Variants in CACNG4 observed in about 807,000 individuals in gnomAD.
CACNG4 encodes calcium voltage-gated channel auxiliary subunit gamma 4, also known as voltage-dependent calcium channel gamma-4 subunit.
In CACNG4, 8 loss-of-function variants were observed where a neutral mutation model predicts 22.9. That is an observed-to-expected ratio of 0.35 (90% CI 0.21 to 0.63). The LOEUF (loss-of-function observed/expected upper bound fraction) is 0.63, where lower values mean the gene tolerates loss of function less well. Ranked by LOEUF, CACNG4 falls within the 30% of genes least tolerant of loss-of-function variation. CACNG4 has a pLI of 0.72. For synonymous variants in CACNG4, 188 were observed against 191.9 expected, an observed-to-expected ratio of 0.98 and a Z score of 0.17; for missense variants, 357 against 455.4, an observed-to-expected ratio of 0.78 and a Z score of 1.97.
chr17:66,967,105 C>G (rs369817930), intron 1 of CACNG4, among the ~76,000 whole-genome samples: 1 of 152,184 alleles, frequency 6.6e-6, no homozygotes, highest in African/African-American at 2.4e-5. Context: ...AACTCCTCCC[C>G]GCCAGCAAAC....
At chr17:66,996,327 T>C (rs535885915) in intron 1 of CACNG4, among the ~76,000 whole-genome samples, 28 of 150,908 alleles carry the variant, frequency 1.9e-4, no homozygotes, top group African/African-American at 5.6e-4. Flanking sequence ...CCTGGCCTCC[T>C]AGATCCTGAG....
At chr17:66,998,862 C>T (rs1256553020) in intron 1 of CACNG4, among the ~76,000 whole-genome samples, 2 of 152,258 alleles carry the variant, frequency 1.3e-5, no homozygotes, top group Non-Finnish European at 2.9e-5. Context: ...GGGTGCCTAG[C>T]CTAGGACAGA....
At chr17:66,985,848 G>T (rs555197875) in intron 1 of CACNG4, among the ~76,000 whole-genome samples, 102 of 152,130 alleles carry the variant, frequency 6.7e-4, no homozygotes, top group Non-Finnish European at 3.7e-4. Context: ...GGAAGAGGAA[G>T]GTCCTTGGAG....
chr17:67,000,117 G>T (rs1477678045), intron 1 of CACNG4, among the ~76,000 whole-genome samples: 1 of 152,098 alleles, frequency 6.6e-6, no homozygotes, highest in Admixed American at 6.5e-5. Flanking sequence ...CCTTCCCCAG[G>T]CTCTCTCTGC....
In CACNG4 at chr17:67,031,568, A is replaced by G. The variant is rs1477386918; in HGVS notation, c.*564A>G. 2.2e-6 allele frequency: 1 copy of G among 456,964 alleles called. No homozygotes were observed. Among genetic ancestry groups the G allele is most frequent in the South Asian group, 1.5e-5 (1 of 64,562 alleles). 28.3% of individuals were successfully genotyped at this position (456,964 alleles called of 1,614,324 possible). On this transcript the variant is annotated 3_prime_UTR_variant, in exon 4 of 4. Coordinates refer to ENST00000262138, the MANE Select transcript of CACNG4 (RefSeq NM_014405.4). The surrounding 1 kb of genome is among the most constrained non-coding windows in gnomAD (Gnocchi z 4.0). ...CTCTCCAAGACTCTGGCAGTGGCCT[A>G]TGATCCTGAAGACAGCTCTGCAGCC...
chr17:67,018,092 G>A (rs2035511063), intron 1 of CACNG4, 97 bp from the exon 2 acceptor site: 3 of 909,210 alleles, frequency 3.3e-6, no homozygotes, highest in South Asian at 1.4e-5. Flanking sequence ...CCCAGGACCT[G>A]CACAGAGGCT....
At chr17:66,995,729 A>ACCCT (rs2035369958) in intron 1 of CACNG4, among the ~76,000 whole-genome samples, 1 of 152,024 alleles carries the variant, frequency 6.6e-6, no homozygotes, top group African/African-American at 2.4e-5. Context: ...GGGCACCTGT[A>ACCCT]ATCCTAGCTA....
chr17:67,026,953 T>A (rs1254974568), intron 3 of CACNG4, among the ~76,000 whole-genome samples: 6 of 151,588 alleles, frequency 4.0e-5, no homozygotes, highest in African/African-American at 9.7e-5. Flanking sequence ...AAGCAGTCAT[T>A]TTTCAAAAGG....
chr17:67,002,749 G>A (rs542313055), intron 1 of CACNG4, among the ~76,000 whole-genome samples: 1 of 152,298 alleles, frequency 6.6e-6, no homozygotes, highest in African/African-American at 2.4e-5. Context: ...GCTACCTTGG[G>A]CAAGTTACTT....
intron 1 of CACNG4, among the ~76,000 whole-genome samples, chr17:66,985,002 G>T (rs1598106656): frequency 6.6e-6 from 1 of 152,154 alleles, no homozygotes; most frequent in Non-Finnish European, 1.5e-5. Context: ...GGTGGCAGGG[G>T]ACTGACATGG....
intron 3 of CACNG4, among the ~76,000 whole-genome samples, chr17:67,026,676 GGT>G (rs558270163): frequency 2.0e-5 from 3 of 150,242 alleles, no homozygotes; most frequent in South Asian, 2.1e-4. Flanking sequence ...TGAGGACTGT[GGT>G]GTGTGTGTGT....
intron 1 of CACNG4, among the ~76,000 whole-genome samples, chr17:66,979,744 GCTT>G (rs2035260022): frequency 8.5e-6 from 1 of 117,516 alleles, no homozygotes; most frequent in Non-Finnish European, 1.7e-5. Context: ...TTCTTTTCAT[GCTT>G]TTTTTTTTTT....
chr17:67,023,025 G>T (rs1026069700), intron 2 of CACNG4, among the ~76,000 whole-genome samples: 1 of 152,166 alleles, frequency 6.6e-6, no homozygotes, highest in African/African-American at 2.4e-5. Context: ...GGTGTTGGGG[G>T]ACCCTGCTTT....
intron 1 of CACNG4, among the ~76,000 whole-genome samples, chr17:67,001,674 C>T (rs1243458600): frequency 3.9e-5 from 6 of 152,202 alleles, no homozygotes; most frequent in Non-Finnish European, 7.3e-5. Context: ...AATGTGTCAG[C>T]GCTGATTTGA....
chr17:66,964,797 G>GC lies in CACNG4; in HGVS notation c.-109dup, dbSNP rs1361185711. On this transcript the variant is annotated 5_prime_UTR_variant, in exon 1 of 4. Coordinates refer to ENST00000262138, the MANE Select transcript of CACNG4 (RefSeq NM_014405.4). ...GGGTCGGAGCGCGCAGCGCGGCGCC[G>GC]CCCCCCGGCCCTCGGCCCCCCAACC... The GC allele has an allele frequency of 7.2e-6, 2 of 276,882 alleles. No individual in the cohort carries two copies. Among genetic ancestry groups the GC allele is most frequent in the Non-Finnish European group, 1.1e-5 (2 of 186,932 alleles). The allele number at this position is 276,882 out of a possible 1,614,324, so 17.2% of individuals were successfully genotyped here. A position where few individuals can be genotyped will look rare whatever the true frequency, so the allele number is the denominator to read the frequency against.
chr17:66,998,853 G>A (rs1016227106), intron 1 of CACNG4, among the ~76,000 whole-genome samples: 3 of 152,206 alleles, frequency 2.0e-5, no homozygotes, highest in Admixed American at 6.5e-5. Context: ...CTGGAGCATG[G>A]GTGCCTAGCC....
chr17:66,988,948 C>T (rs1238519311), intron 1 of CACNG4, among the ~76,000 whole-genome samples: 1 of 150,980 alleles, frequency 6.6e-6, no homozygotes, highest in East Asian at 1.9e-4. Flanking sequence ...GTAATCCCAG[C>T]TACTCAGGAG....
In CACNG4 at chr17:66,984,063, CTG is replaced by C. The variant is rs2035291899; in HGVS notation, c.220+18934_220+18935del. ...CTAACTGCACCCTTAGGATTACTCT[CTG>C]TAGATTATCTTCAGTAAAAATTAAA... On this transcript the variant is annotated intron_variant, in intron 1 of 3. Transcript: ENST00000262138. The surrounding 1 kb of genome is among the most constrained non-coding windows in gnomAD (Gnocchi z 4.0). Among the ~76,000 whole-genome samples, 1 of 152,158 alleles carries C rather than the reference CTG, an allele frequency of 6.6e-6. No individual in the cohort carries two copies. The highest frequency in any genetic ancestry group is 1.5e-5 in the Non-Finnish European group (1 of 68,032).
At chr17:67,029,255 C>T (rs1380773622) in intron 3 of CACNG4, among the ~76,000 whole-genome samples, 1 of 152,140 alleles carries the variant, frequency 6.6e-6, no homozygotes, top group Non-Finnish European at 1.5e-5. Context: ...TCGCTTGAAC[C>T]CAGGAGGCGG....
Sources: allele counts gnomAD v4.1 joint callset (sites outside exome capture counted in the v4.1 genomes callset), GRCh38; gene constraint gnomAD v4.1.1; non-coding constraint Gnocchi (gnomAD v3.1); transcripts MANE v1.5; gene names NCBI Gene and HGNC (gene_info 2026-07-23, HGNC 2026-07-21).